Variants in SCN11A observed in about 807,000 individuals in gnomAD.
SCN11A encodes sodium voltage-gated channel alpha subunit 11.
Under a neutral mutation model 162.2 loss-of-function variants are expected in SCN11A, and 122 were observed. The observed-to-expected ratio is 0.75, with a 90% CI of 0.65 to 0.87. The LOEUF is 0.87. SCN11A is among the 40% of genes least tolerant of loss of function. The pLI is 0.00. For synonymous variants in SCN11A, 758 were observed against 751.5 expected, an observed-to-expected ratio of 1.01 and a Z score of -0.14; for missense variants, 2,015 against 2,181.6, an observed-to-expected ratio of 0.92 and a Z score of 1.52.
chr3:39,008,038 G>A (rs2031024738), intron 2 of SCN11A, among the ~76,000 whole-genome samples: 1 of 149,458 alleles, frequency 6.7e-6, no homozygotes, highest in African/African-American at 2.5e-5. Context: ...CCAGAGAGAA[G>A]TGGAGAATTG....
chr3:38,940,473 C>A (rs948701403), intron 7 of SCN11A, among the ~76,000 whole-genome samples: 2 of 152,156 alleles, frequency 1.3e-5, no homozygotes, highest in African/African-American at 4.8e-5. Flanking sequence ...GTGGTTCTGG[C>A]ATATGAAAAC....
At chr3:38,904,768 A>G (rs1425834873) in intron 15 of SCN11A, among the ~76,000 whole-genome samples, 1 of 152,188 alleles carries the variant, frequency 6.6e-6, no homozygotes, top group Admixed American at 6.5e-5. Flanking sequence ...CTTTCTACAT[A>G]GGTCTTCTAT....
chr3:38,874,338 CT>C, intron 23 of SCN11A, among the ~76,000 whole-genome samples: 1 of 152,194 alleles, frequency 6.6e-6, no homozygotes, highest in East Asian at 1.9e-4. Context: ...TCGCTCAAGC[CT>C]GTAATCCCAG....
intron 11 of SCN11A, among the ~76,000 whole-genome samples, chr3:38,916,187 C>T (rs1015265989): frequency 6.6e-6 from 1 of 151,996 alleles, no homozygotes; most frequent in African/African-American, 2.4e-5. Context: ...TTATTTTGAG[C>T]CTATGTGTGT....
intron 2 of SCN11A, among the ~76,000 whole-genome samples, chr3:38,988,050 A>G (rs900737369): frequency 2.6e-5 from 4 of 152,154 alleles, no homozygotes; most frequent in African/African-American, 9.7e-5. Context: ...GCAAATGGGA[A>G]TTTGAGGCTC....
At position 38,886,133 on chromosome 3, in the gene SCN11A, G is replaced by A. The variant is rs2065394243; in HGVS notation, c.2941C>T (p.Pro981Ser). The A allele has an allele frequency of 6.2e-7, 1 of 1,607,060 alleles. No homozygotes were observed. The highest frequency in any genetic ancestry group is 8.5e-7 in the Non-Finnish European group (1 of 1,174,860). The part of the protein sequence containing the change: ...EDEPHLTIQD[P>S]RKKSDVTSIL... Reference sequence around the variant, plus strand: ...CATCCTAGGAAAATTACCTTTCGGGGATCCTGTATGGTCAGATGAGGCTCA... The same window carrying A: ...CATCCTAGGAAAATTACCTTTCGGGAATCCTGTATGGTCAGATGAGGCTCA... The change falls in exon 20 of 30, where the codon CCC becomes TCC. Residue 981 changes from proline to serine, a missense_variant. Physicochemically the swap from Pro to Ser is moderately conservative, Grantham distance 74. Transcript: ENST00000302328.
intron 2 of SCN11A, among the ~76,000 whole-genome samples, chr3:39,008,766 C>G (rs2125601586): frequency 6.6e-6 from 1 of 151,940 alleles, no homozygotes; most frequent in South Asian, 2.1e-4. Context: ...GCCTGTAGTC[C>G]CAGCTACTCA....
At chr3:39,044,186 C>T (rs1434291706) in intron 1 of SCN11A, among the ~76,000 whole-genome samples, 1 of 151,942 alleles carries the variant, frequency 6.6e-6, no homozygotes, top group African/African-American at 2.4e-5. Context: ...ATATATAAAG[C>T]AAATATCATT....
At position 38,886,261 on chromosome 3, in the gene SCN11A, G is replaced by A. The variant is rs1341153760; in HGVS notation, c.2836-23C>T. 3 of 1,473,058 alleles carry A rather than the reference G, an allele frequency of 2.0e-6. No homozygotes were observed. The East Asian group carries it at 6.8e-5, about 33-fold the overall frequency. 91.2% of individuals were successfully genotyped at this position (1,473,058 alleles called of 1,614,324 possible). A position where few individuals can be genotyped will look rare whatever the true frequency, so the allele number is the denominator to read the frequency against. ...GGCCTAACACAGAGAGCCCAGAATA[G>A]AATTAATATTCCTCCTGGACATGTC... On this transcript the variant is annotated intron_variant, in intron 19 of 29. Coordinates refer to ENST00000302328, the MANE Select transcript of SCN11A (RefSeq NM_001349253.2).
At chr3:38,976,952 T>C (rs1356322922) in intron 2 of SCN11A, among the ~76,000 whole-genome samples, 1 of 152,180 alleles carries the variant, frequency 6.6e-6, no homozygotes, top group Non-Finnish European at 1.5e-5. Flanking sequence ...TATGTAGAAT[T>C]AGAAGCAATC....
intron 1 of SCN11A, among the ~76,000 whole-genome samples, chr3:39,036,095 C>T (rs774527224): frequency 2.6e-5 from 4 of 152,166 alleles, no homozygotes; most frequent in Non-Finnish European, 5.9e-5. Context: ...GCCCAGAACT[C>T]CTGGACTTAA....
intron 2 of SCN11A, among the ~76,000 whole-genome samples, chr3:38,968,278 T>C (rs13095452): frequency 0.16 from 24,789 of 152,102 alleles, 2,440 homozygotes; most frequent in African/African-American, 0.27. Context: ...CATTCCCAGA[T>C]ACAAAATTCC....
chr3:38,951,832 T>C (rs750003027), intron 4 of SCN11A, among the ~76,000 whole-genome samples: 2 of 152,114 alleles, frequency 1.3e-5, no homozygotes, highest in African/African-American at 4.8e-5. Flanking sequence ...TCAGGGAATG[T>C]AAACGCACCA....
chr3:38,858,286 T>C (rs2064905517), intron 28 of SCN11A, among the ~76,000 whole-genome samples: 1 of 151,928 alleles, frequency 6.6e-6, no homozygotes, highest in African/African-American at 2.4e-5. Flanking sequence ...ACCTAACACA[T>C]AAGGACTCAT....
chr3:39,012,690 G>A (rs921721856), intron 2 of SCN11A, among the ~76,000 whole-genome samples: 16 of 152,084 alleles, frequency 1.1e-4, no homozygotes, highest in Non-Finnish European at 1.9e-4. Flanking sequence ...GGCCAGGCTG[G>A]TCTCAAACTC....
At chr3:38,916,471 C>T (rs1306887456) in intron 11 of SCN11A, among the ~76,000 whole-genome samples, 1 of 152,210 alleles carries the variant, frequency 6.6e-6, no homozygotes, top group Admixed American at 6.5e-5. Flanking sequence ...ATTCTCTATA[C>T]AGAAACCATA....
chr3:38,973,403 T>TACACAC (rs35521973), intron 2 of SCN11A, among the ~76,000 whole-genome samples: 4 of 148,390 alleles, frequency 2.7e-5, no homozygotes, highest in Admixed American at 6.8e-5. Flanking sequence ...GGTGTTGAGA[T>TACACAC]ACACACACAC....
At chr3:39,012,940 T>C (rs573502080) in intron 2 of SCN11A, among the ~76,000 whole-genome samples, 38 of 152,352 alleles carry the variant, frequency 2.5e-4, no homozygotes, top group African/African-American at 8.9e-4. Context: ...ATGCTCATCT[T>C]TGACTTTTTC....
intron 2 of SCN11A, among the ~76,000 whole-genome samples, chr3:39,029,775 G>A (rs1415911860): frequency 6.6e-6 from 1 of 152,152 alleles, no homozygotes; most frequent in Admixed American, 6.5e-5. Flanking sequence ...CCATTCAAAG[G>A]CTTCTGCAGG....
Sources: gnomAD v4.1 joint callset for allele counts (sites outside exome capture counted in the v4.1 genomes callset) on GRCh38, gnomAD v4.1.1 for gene constraint, MANE v1.5 for transcripts, NCBI Gene and HGNC (gene_info 2026-07-23, HGNC 2026-07-21) for gene names.